The following COL1A2 variants were observed in gnomAD, a reference collection of about 807,000 sequenced individuals.
COL1A2 encodes the protein collagen type I alpha 2 chain.
Under a neutral mutation model 174.3 loss-of-function variants are expected in COL1A2, and 49 were observed. The observed-to-expected ratio is 0.28, with a 90% CI of 0.22 to 0.36. The LOEUF is 0.36. Among genes scored for constraint, COL1A2 ranks in the 10% least tolerant of loss-of-function variants. The probability of loss-of-function intolerance (pLI) is 1.00; values close to 1 mark genes in which losing one functional copy is unlikely to be tolerated. For missense variants in COL1A2, 1,438 were observed against 1,822.7 expected, an observed-to-expected ratio of 0.79 and a Z score of 3.84; for synonymous variants, 655 against 606.6, an observed-to-expected ratio of 1.08 and a Z score of -1.17.
At chr7:94,410,553 C>A in intron 21 of COL1A2, 26 bp downstream of exon 21, 1 of 1,516,876 alleles carries the variant, frequency 6.6e-7, no homozygotes, top group Non-Finnish European at 9.0e-7. Flanking sequence ...TCCCAACACC[C>A]TAACACACCA....
At chr7:94,406,819 C>A (rs867425836) in intron 12 of COL1A2, among the ~76,000 whole-genome samples, 6 of 152,196 alleles carry the variant, frequency 3.9e-5, no homozygotes, top group Admixed American at 6.5e-5. Flanking sequence ...TCTTCTCTGA[C>A]AGCGTTTTCA....
At chr7:94,406,387 C>T (rs1791797970) in intron 12 of COL1A2, 84 bp downstream of exon 12, 1 of 1,201,534 alleles carries the variant, frequency 8.3e-7, no homozygotes, top group South Asian at 1.2e-5. Context: ...ATACTGAAGA[C>T]TACCCATATT....
chr7:94,405,597 A>T, intron 10 of COL1A2, 76 bp from the exon 11 acceptor site: 1 of 1,333,394 alleles, frequency 7.5e-7, no homozygotes, highest in East Asian at 2.3e-5. Context: ...GAGAATAAAT[A>T]CTTTGGAGGG....
At chr7:94,426,888 T>G in intron 46 of COL1A2, 120 bp from the exon 47 acceptor site, 2 of 880,438 alleles carry the variant, frequency 2.3e-6, no homozygotes, top group Non-Finnish European at 3.6e-6. Context: ...CTTTACATTT[T>G]CAATTTTCTC....
chr7:94,400,006 A>G lies in COL1A2; in HGVS notation c.133-190A>G, dbSNP rs73718486. 6.9e-4 allele frequency: 519 copies of G among 748,198 alleles called. 1 individual carries two copies. The African/African-American group carries it at 7.6e-3, about 11-fold the overall frequency. The allele number at this position is 748,198 out of a possible 1,614,324, so 46.3% of individuals were successfully genotyped here. On this transcript the variant is annotated intron_variant, in intron 4 of 51. Transcript: ENST00000297268. ...TTCTTTAGGAAAACTACCCTGTGAT[A>G]TCTTAAGAGTTATTAACCCTCTTTC...
chr7:94,421,636 G>A (rs1247238388), intron 38 of COL1A2, among the ~76,000 whole-genome samples: 1 of 152,128 alleles, frequency 6.6e-6, no homozygotes, highest in African/African-American at 2.4e-5. Flanking sequence ...AAGATAATAT[G>A]TCAGCATTTC....
chr7:94,412,198 T>A, intron 24 of COL1A2, 77 bp downstream of exon 24: 1 of 1,218,124 alleles, frequency 8.2e-7, no homozygotes, highest in Non-Finnish European at 1.2e-6. Context: ...GTGGCTTATT[T>A]ATACATGAAC....
At chr7:94,410,398 T>C in intron 20 of COL1A2, 22 bp from the exon 21 acceptor site, 1 of 1,555,480 alleles carries the variant, frequency 6.4e-7, no homozygotes, top group Non-Finnish European at 8.7e-7. Flanking sequence ...CTCCCTCTTC[T>C]TTTGTTCTTT....
intron 21 of COL1A2, 111 bp downstream of exon 21, chr7:94,410,638 T>A (rs766415873): frequency 1.4e-4 from 137 of 1,001,114 alleles, no homozygotes; most frequent in Admixed American, 6.0e-5. Flanking sequence ...AAAAAAAGCA[T>A]CTGCTTTCCA....
rs780515953 is a variant in COL1A2 at position 94,421,050 on chromosome 7, T to C, written c.2337T>C (p.Asp779=). The change falls in exon 38 of 52, where the codon GAT becomes GAC. Residue 779 remains aspartate, a synonymous_variant. Coordinates refer to ENST00000297268, the MANE Select transcript of COL1A2 (RefSeq NM_000089.4). ...GPPGPAGSRG[D]GGPPGMTGFP... is the part of the protein sequence containing the mutation. ...CCGGTCCTGCTGGAAGTCGTGGTGA[T>C]GGAGGCCCCCCTGTGAGTATTTACA... 3.7e-6 allele frequency: 6 copies of C among 1,614,088 alleles called. No individual in the cohort carries two copies. In the African/African-American group the frequency reaches 8.0e-5, roughly 22 times the overall value.
intron 18 of COL1A2, 37 bp downstream of exon 18, chr7:94,409,645 A>G: frequency 6.2e-7 from 1 of 1,613,984 alleles, no homozygotes; most frequent in Middle Eastern, 1.7e-4. Flanking sequence ...TGCTGCTATG[A>G]TTTTAAAGGC....
intron 30 of COL1A2, 38 bp from the exon 31 acceptor site, chr7:94,416,367 A>T: frequency 1.3e-6 from 2 of 1,508,854 alleles, no homozygotes. Context: ...ACTGAAAGTG[A>T]TGAATGGTGC....
chr7:94,398,698 A>G (rs1248274792), intron 3 of COL1A2, among the ~76,000 whole-genome samples: 3 of 152,024 alleles, frequency 2.0e-5, no homozygotes, highest in Non-Finnish European at 4.4e-5. Context: ...TATAGGGAGT[A>G]AAAAAAGTTT....
Position 94,426,024 on chromosome 7 carries a change from T to G in COL1A2, c.2970T>G (p.Ala990=). Residue 990 remains alanine (A), a synonymous_variant, in exon 45 of 52, where the codon GCT becomes GCG. Coordinates refer to ENST00000297268, the MANE Select transcript of COL1A2 (RefSeq NM_000089.4). Reference sequence around the variant, plus strand: ...GTCCTTCTGGTCCTGTTGGTCCTGCTGGTGCTGTTGGCCCAAGAGGTCCTA... The same window carrying G: ...GTCCTTCTGGTCCTGTTGGTCCTGCGGGTGCTGTTGGCCCAAGAGGTCCTA... The part of the protein sequence containing the change: ...ETGPSGPVGP[A]GAVGPRGPSG... 14 of 1,614,220 alleles carry G rather than the reference T, an allele frequency of 8.7e-6. No homozygotes were observed. The highest frequency in any genetic ancestry group is 1.2e-5 in the Non-Finnish European group (14 of 1,180,040).
intron 9 of COL1A2, 51 bp from the exon 10 acceptor site, chr7:94,405,148 G>A (rs1267142746): frequency 1.9e-6 from 3 of 1,588,372 alleles, no homozygotes; most frequent in Non-Finnish European, 2.6e-6. Context: ...CCCCCATTTT[G>A]TCTGATAGTT....
At chr7:94,414,345 T>G (rs971444023) in intron 29 of COL1A2, 70 bp downstream of exon 29, 2 of 1,282,626 alleles carry the variant, frequency 1.6e-6, no homozygotes, top group African/African-American at 2.9e-5. Flanking sequence ...AATACCCCAC[T>G]GCTATGCAAT....
chr7:94,405,741 T>C lies in COL1A2; in HGVS notation c.540+15T>C, dbSNP rs537927166. 4 of 1,609,056 alleles carry C rather than the reference T, an allele frequency of 2.5e-6. No homozygotes were observed. The South Asian group carries it at 3.3e-5, about 13-fold the overall frequency. On this transcript the variant is annotated intron_variant, in intron 11 of 51. Coordinates refer to ENST00000297268, the MANE Select transcript of COL1A2 (RefSeq NM_000089.4). ...AAGGCATTAGGGTGAGCACATTCTT[T>C]ACTCAGAAGAGAGAAAATGCCTATT...
rs34691365 is a variant in COL1A2 at position 94,427,695 on chromosome 7, C to T, written c.3336C>T (p.Tyr1112=). ...GCGGTGGTGGTTATGACTTTGGTTA[C>T]GATGGAGACTTCTACAGGGCTGACC... ...GVSGGGYDFG[Y]DGDFYRADQP... is the part of the protein sequence containing the mutation. Residue 1112 remains tyrosine, a synonymous_variant, in exon 49 of 52, where the codon TAC becomes TAT. Transcript: ENST00000297268. 7.0e-4 allele frequency: 1,128 copies of T among 1,614,122 alleles called. 7 individuals carry two copies. The African/African-American group carries it at 0.013, about 18-fold the overall frequency.
At chr7:94,422,751 G>A (rs770008448) in intron 39 of COL1A2, 478 of 614,530 alleles carry the variant, frequency 7.8e-4, no homozygotes, top group Non-Finnish European at 1.2e-3. Flanking sequence ...CCATTATTTG[G>A]TTGGTTACAG....
Sources: allele counts gnomAD v4.1 joint callset (sites outside exome capture counted in the v4.1 genomes callset), GRCh38; gene constraint gnomAD v4.1.1; transcripts MANE v1.5; gene names NCBI Gene and HGNC (gene_info 2026-07-23, HGNC 2026-07-21).